The following DLGAP2 variants were observed in gnomAD, a reference collection of about 807,000 sequenced individuals.
DLGAP2 encodes the protein disks large-associated protein 2.
Under a neutral mutation model 100.3 loss-of-function variants are expected in DLGAP2, and 26 were observed. That is an observed-to-expected ratio of 0.26 (90% CI 0.19 to 0.36). The LOEUF is 0.36. Ranked by LOEUF, DLGAP2 falls within the 10% of genes least tolerant of loss-of-function variation. DLGAP2 has a pLI of 1.00. For missense variants in DLGAP2, 1,858 were observed against 1,453.2 expected (o/e 1.28, Z -4.53); for synonymous variants, 886 against 630.1 (o/e 1.41, Z -6.08).
intron 2 of DLGAP2, among the ~76,000 whole-genome samples, chr8:1,028,593 C>G (rs979868159): frequency 4.6e-5 from 7 of 152,212 alleles, no homozygotes; most frequent in Non-Finnish European, 8.8e-5. Flanking sequence ...CGTGGCTGCC[C>G]TGGCAGTGGA....
chr8:1,126,609 G>C (rs1053186620), intron 2 of DLGAP2, among the ~76,000 whole-genome samples: 1 of 152,134 alleles, frequency 6.6e-6, no homozygotes, highest in Non-Finnish European at 1.5e-5. Context: ...GCTGCTGAGG[G>C]CTTTCAGTAG....
chr8:1,216,669 T>A (rs1167546510), intron 2 of DLGAP2, among the ~76,000 whole-genome samples: 5 of 152,162 alleles, frequency 3.3e-5, no homozygotes, highest in African/African-American at 9.6e-5. Flanking sequence ...TAAGTATTTA[T>A]CTAGTTTTTG....
chr8:1,100,120 AGT>A (rs1179083825), intron 2 of DLGAP2, among the ~76,000 whole-genome samples: 2 of 149,288 alleles, frequency 1.3e-5, no homozygotes, highest in Admixed American at 6.6e-5. Flanking sequence ...CAGCATGTAC[AGT>A]GTGTGTAGGG....
At chr8:1,289,213 C>CA (rs1216103205) in intron 3 of DLGAP2, among the ~76,000 whole-genome samples, 5 of 152,130 alleles carry the variant, frequency 3.3e-5, no homozygotes, top group African/African-American at 1.2e-4. Context: ...AAGGATTCAT[C>CA]AAAAACCATT....
intron 3 of DLGAP2, among the ~76,000 whole-genome samples, chr8:1,448,880 G>A (rs138538480): frequency 1.1e-3 from 162 of 152,296 alleles, no homozygotes; most frequent in African/African-American, 3.4e-3. Flanking sequence ...ACCCATAATA[G>A]CATGTCACAT....
chr8:1,334,136 C>T (rs548731785), intron 3 of DLGAP2, among the ~76,000 whole-genome samples: 1 of 152,360 alleles, frequency 6.6e-6, no homozygotes, highest in South Asian at 2.1e-4. Context: ...GCCAGTGAGT[C>T]TGAGAGCTCC....
chr8:1,596,008 G>A (rs983462694), intron 6 of DLGAP2, among the ~76,000 whole-genome samples: 6 of 151,708 alleles, frequency 4.0e-5, no homozygotes, highest in African/African-American at 1.5e-4. Flanking sequence ...AACCCCTAAT[G>A]CTATCCCTCC....
chr8:934,956 T>C (rs1298051480), intron 2 of DLGAP2, among the ~76,000 whole-genome samples: 1 of 152,240 alleles, frequency 6.6e-6, no homozygotes, highest in Non-Finnish European at 1.5e-5. Flanking sequence ...GTCTCCTTTC[T>C]GTCTCTTCAG....
At chr8:1,072,664 C>G (rs1363496679) in intron 2 of DLGAP2, among the ~76,000 whole-genome samples, 1 of 152,192 alleles carries the variant, frequency 6.6e-6, no homozygotes, top group Non-Finnish European at 1.5e-5. Flanking sequence ...TCAAGCAAGT[C>G]TGTTCACCAT....
intron 6 of DLGAP2, chr8:1,622,311 T>A (rs1314456129): frequency 1.3e-5 from 2 of 152,244 alleles, no homozygotes. Context: ...GAAAAAAATT[T>A]TCTTAAATAT....
intron 3 of DLGAP2, among the ~76,000 whole-genome samples, chr8:1,370,375 A>G (rs1050704504): frequency 7.9e-5 from 12 of 152,006 alleles, no homozygotes; most frequent in African/African-American, 2.9e-4. Context: ...TCTCGTCACC[A>G]CCTTAATACC....
chr8:1,204,552 GTA>G (rs1402852145), intron 2 of DLGAP2, among the ~76,000 whole-genome samples: 1 of 148,940 alleles, frequency 6.7e-6, no homozygotes, highest in Non-Finnish European at 1.5e-5. Context: ...GTGTGTGTGT[GTA>G]TATGTCTATA....
At chr8:798,516 G>A (rs1303910703) in intron 1 of DLGAP2, among the ~76,000 whole-genome samples, 11 of 124,152 alleles carry the variant, frequency 8.9e-5, no homozygotes, top group African/African-American at 2.5e-4. Context: ...CGCTTGTTGC[G>A]TCAGGACCTG....
chr8:1,496,752 C>A (rs527949471), intron 3 of DLGAP2, among the ~76,000 whole-genome samples: 1 of 152,152 alleles, frequency 6.6e-6, no homozygotes, highest in Non-Finnish European at 1.5e-5. Flanking sequence ...TGTGTTCACT[C>A]GGGACAGGTC....
chr8:1,654,956 C>T (rs979037924), intron 8 of DLGAP2, among the ~76,000 whole-genome samples: 13 of 152,194 alleles, frequency 8.5e-5, no homozygotes, highest in African/African-American at 1.9e-4. Context: ...AAGTTCTCGC[C>T]GTGTGATGTG....
At chr8:1,357,328 A>G (rs372413905) in intron 3 of DLGAP2, among the ~76,000 whole-genome samples, 4 of 151,192 alleles carry the variant, frequency 2.6e-5, no homozygotes, top group African/African-American at 9.7e-5. Flanking sequence ...GGATGGCCAG[A>G]CTCATCACAC....
intron 2 of DLGAP2, among the ~76,000 whole-genome samples, chr8:1,118,466 T>C (rs940094252): frequency 6.6e-6 from 1 of 152,218 alleles, no homozygotes; most frequent in Non-Finnish European, 1.5e-5. Flanking sequence ...GGGCAAAACT[T>C]CTGCACTGGG....
At chr8:1,325,794 A>G (rs183483386) in intron 3 of DLGAP2, among the ~76,000 whole-genome samples, 3 of 152,236 alleles carry the variant, frequency 2.0e-5, no homozygotes, top group Non-Finnish European at 4.4e-5. Context: ...AATTTACTGT[A>G]TCAAGAGTTG....
chr8:822,367 G>C (rs1231291157), intron 1 of DLGAP2, among the ~76,000 whole-genome samples: 2 of 152,066 alleles, frequency 1.3e-5, no homozygotes, highest in Non-Finnish European at 2.9e-5. Flanking sequence ...GTATGGTAAG[G>C]CCGGGGGTGA....
Sources: allele counts gnomAD v4.1 joint callset (sites outside exome capture counted in the v4.1 genomes callset), GRCh38; gene constraint gnomAD v4.1.1; transcripts MANE v1.5; gene names NCBI Gene and HGNC (gene_info 2026-07-23, HGNC 2026-07-21).